ABI3BP: variants seen among roughly 807,000 people sequenced by gnomAD.
ABI3BP encodes the protein target of Nesh-SH3.
ABI3BP carries 216 observed loss-of-function variants against 268.6 expected under a neutral mutation model. That is an observed-to-expected ratio of 0.80 (90% CI 0.72 to 0.90). The LOEUF (loss-of-function observed/expected upper bound fraction) is 0.90. ABI3BP is among the 40% of genes least tolerant of loss of function. The pLI, the probability that ABI3BP is intolerant of heterozygous loss-of-function variation, is 0.00. For synonymous variants in ABI3BP, 730 were observed against 730.0 expected (o/e 1.00, Z 0.00); for missense variants, 2,090 against 2,182.4 (o/e 0.96, Z 0.84).
At chr3:100,974,140 T>C (rs773229657) in intron 1 of ABI3BP, among the ~76,000 whole-genome samples, 2 of 152,260 alleles carry the variant, frequency 1.3e-5, no homozygotes, top group Admixed American at 1.3e-4. Flanking sequence ...TTTGGAGCAA[T>C]TGAAATCTTC....
rs2099013107 is a variant in ABI3BP, at chr3:100,862,884, A to G, written c.1164T>C (p.Pro388=). 6.5e-7 allele frequency: 1 copy of G among 1,535,730 alleles called. No homozygotes were observed. Among genetic ancestry groups the G allele is most frequent in the African/African-American group, 1.4e-5 (1 of 73,026 alleles). ...TLAPKSLPEF[P]EAKTPFPFEK... Reference sequence around the variant, plus strand: ...CAAAAGGGAAGGGTGTTTTTGCCTCAGGAAATTCTGGAAGGCTTTTTGGAG... The same window carrying G: ...CAAAAGGGAAGGGTGTTTTTGCCTCGGGAAATTCTGGAAGGCTTTTTGGAG... The change falls in exon 13 of 68, where the codon CCT becomes CCC. Residue 388 remains proline, a synonymous_variant. Coordinates refer to ENST00000471714, the MANE Select transcript of ABI3BP (RefSeq NM_001375547.2).
chr3:100,848,111 T>C (rs1435876642), intron 18 of ABI3BP, among the ~76,000 whole-genome samples: 2 of 152,218 alleles, frequency 1.3e-5, no homozygotes, highest in Non-Finnish European at 2.9e-5. Flanking sequence ...ATGTACGTTG[T>C]GCTGTCATTT....
chr3:100,862,584 C>G, intron 13 of ABI3BP, 199 bp from the exon 14 acceptor site: 2 of 579,734 alleles, frequency 3.4e-6, no homozygotes, highest in South Asian at 4.9e-5. Flanking sequence ...AGAGAGAGAC[C>G]AGAGTTTGGT....
rs149453036 is a variant in ABI3BP, at chr3:100,837,502, C to T, written c.2084-331G>A. ...GGCACGTTGGCTCATGCCTATAATC[C>T]CAGCACTTTGGGAGGCCAAGGCAGG... On this transcript the variant is annotated intron_variant, in intron 26 of 67. Coordinates refer to ENST00000471714, the MANE Select transcript of ABI3BP (RefSeq NM_001375547.2). Among the ~76,000 whole-genome samples, 361 of 152,226 alleles carry T rather than the reference C, an allele frequency of 2.4e-3. 1 individual carries two copies. The highest frequency in any genetic ancestry group is 6.8e-3 in the Middle Eastern group (2 of 294).
At chr3:100,774,939 T>A (rs1357806737) in intron 60 of ABI3BP, among the ~76,000 whole-genome samples, 1 of 152,222 alleles carries the variant, frequency 6.6e-6, no homozygotes, top group Non-Finnish European at 1.5e-5. Flanking sequence ...TAGTTGGTAA[T>A]AATGTGATTT....
At chr3:100,921,501 A>G (rs1409219724) in intron 2 of ABI3BP, among the ~76,000 whole-genome samples, 2 of 152,098 alleles carry the variant, frequency 1.3e-5, no homozygotes, top group Non-Finnish European at 2.9e-5. Flanking sequence ...GAGTGAGAAC[A>G]TTCATGATGT....
chr3:100,986,479 T>C (rs565137312), intron 1 of ABI3BP, among the ~76,000 whole-genome samples: 2 of 152,334 alleles, frequency 1.3e-5, no homozygotes, highest in South Asian at 2.1e-4. Flanking sequence ...ATACTCTTTT[T>C]TTTTTGAAAT....
At chr3:100,889,485 G>A (rs543529151) in intron 4 of ABI3BP, among the ~76,000 whole-genome samples, 2 of 152,136 alleles carry the variant, frequency 1.3e-5, no homozygotes, top group African/African-American at 4.8e-5. Flanking sequence ...GTTTTAATGT[G>A]TATTTACCAT....
At chr3:100,922,380 G>GTTGAA (rs1435379839) in intron 2 of ABI3BP, among the ~76,000 whole-genome samples, 1 of 152,182 alleles carries the variant, frequency 6.6e-6, no homozygotes, top group Non-Finnish European at 1.5e-5. Context: ...GAGAATTGAG[G>GTTGAA]TTGAAGGTGG....
At chr3:100,751,486 C>T in intron 67 of ABI3BP, 66 bp downstream of exon 67, 1 of 1,420,506 alleles carries the variant, frequency 7.0e-7, no homozygotes, top group Non-Finnish European at 9.3e-7. Context: ...TTGCTTTCCT[C>T]AGCTTGATTT....
chr3:100,902,546 G>T, intron 3 of ABI3BP, 72 bp downstream of exon 3: 1 of 1,414,410 alleles, frequency 7.1e-7, no homozygotes, highest in South Asian at 1.2e-5. Context: ...TGGTCTCCAG[G>T]GGTCCAAAAG....
In ABI3BP at chr3:100,850,098, A is replaced by G. The variant is rs1215289579; in HGVS notation, c.1448T>C (p.Val483Ala). Residue 483 changes from valine (V) to alanine (A), a missense_variant, in exon 17 of 68, where the codon GTT becomes GCT. By Grantham distance (64) the Val-to-Ala change is moderately conservative. Coordinates refer to ENST00000471714, the MANE Select transcript of ABI3BP (RefSeq NM_001375547.2). ...GGTAAAGATTTCCAGTTTTTGAGGA[A>G]CAAATGGTGTTTCACTTGGAGCTGA... Reference protein sequence around the residue: ...ATLAPSETPFVPQKLEIFTSP... With the variant: ...ATLAPSETPFAPQKLEIFTSP... 7 of 1,610,352 alleles carry G rather than the reference A, an allele frequency of 4.3e-6. No homozygotes were observed. The highest frequency in any genetic ancestry group is 5.9e-6 in the Non-Finnish European group (7 of 1,178,318).
intron 2 of ABI3BP, among the ~76,000 whole-genome samples, chr3:100,925,263 G>T (rs144038594): frequency 6.6e-6 from 1 of 152,260 alleles, no homozygotes; most frequent in African/African-American, 2.4e-5. Flanking sequence ...CTGATATAAA[G>T]TAATTGAATT....
At chr3:100,992,539 G>C (rs1407546064) in intron 1 of ABI3BP, among the ~76,000 whole-genome samples, 1 of 152,226 alleles carries the variant, frequency 6.6e-6, no homozygotes, top group Non-Finnish European at 1.5e-5. Context: ...AGTTGGCTTA[G>C]AGAAGTGCCT....
chr3:100,824,068 T>C (rs1392571295), intron 36 of ABI3BP, among the ~76,000 whole-genome samples: 1 of 152,192 alleles, frequency 6.6e-6, no homozygotes, highest in Non-Finnish European at 1.5e-5. Flanking sequence ...CAGCCTGTAA[T>C]AATCGGTAGA....
chr3:100,841,826 G>A (rs2098707302), intron 21 of ABI3BP, among the ~76,000 whole-genome samples, 172 bp downstream of exon 21: 1 of 150,894 alleles, frequency 6.6e-6, no homozygotes, highest in Non-Finnish European at 1.5e-5. Flanking sequence ...GGAGGCAGAA[G>A]TTGCAGTGAG....
At chr3:100,970,082 A>G (rs1468725425) in intron 1 of ABI3BP, among the ~76,000 whole-genome samples, 1 of 152,180 alleles carries the variant, frequency 6.6e-6, no homozygotes, top group Non-Finnish European at 1.5e-5. Flanking sequence ...GCTGCAGCCT[A>G]AAATCTACTA....
chr3:100,868,951 A>T (rs1458724954), intron 9 of ABI3BP, among the ~76,000 whole-genome samples: 1 of 151,996 alleles, frequency 6.6e-6, no homozygotes, highest in Non-Finnish European at 1.5e-5. Context: ...TGTTCCTATT[A>T]TTTTCAACAT....
chr3:100,838,208 A>T lies in ABI3BP; in HGVS notation c.2083+2T>A, dbSNP rs770651886. 6.5e-7 allele frequency: 1 copy of T among 1,534,290 alleles called. No individual in the cohort carries two copies. Among genetic ancestry groups the T allele is most frequent in the Non-Finnish European group, 8.7e-7 (1 of 1,144,878 alleles). On this transcript the variant is annotated splice_donor_variant, in intron 26 of 67. Transcript: ENST00000471714. LOFTEE classifies it high-confidence loss of function. ...AGCTAAAGCACTGGAAATTATGTTTACCGGATTTAGTTGGTGGCATGTCTG... is the reference window on the plus strand; with the variant it reads ...AGCTAAAGCACTGGAAATTATGTTTTCCGGATTTAGTTGGTGGCATGTCTG...
Sources: allele counts gnomAD v4.1 joint callset (sites outside exome capture counted in the v4.1 genomes callset), GRCh38; gene constraint gnomAD v4.1.1; transcripts MANE v1.5; gene names NCBI Gene and HGNC (gene_info 2026-07-23, HGNC 2026-07-21).